The following DOCK10 variants were observed in gnomAD, a reference collection of about 807,000 sequenced individuals.
DOCK10 encodes the protein dedicator of cytokinesis protein 10.
DOCK10 carries 145 observed loss-of-function variants against 280.1 expected under a neutral mutation model. The observed-to-expected ratio is 0.52, with a 90% CI of 0.45 to 0.59. The LOEUF is 0.59. DOCK10 is among the 20% of genes least tolerant of loss of function. The pLI is 0.00. For missense variants in DOCK10, 2,368 were observed against 2,651.7 expected (o/e 0.89, Z 2.35); for synonymous variants, 915 against 942.2 (o/e 0.97, Z 0.53).
intron 51 of DOCK10, among the ~76,000 whole-genome samples, chr2:224,776,632 G>GA (rs113737189): frequency 0.023 from 3,084 of 134,310 alleles, 70 homozygotes; most frequent in African/African-American, 0.067. Flanking sequence ...AAAGAGGACA[G>GA]AAAAAAAAAA....
chr2:224,918,648 T>C (rs1701480894), intron 2 of DOCK10, among the ~76,000 whole-genome samples: 1 of 150,386 alleles, frequency 6.6e-6, no homozygotes, highest in African/African-American at 2.5e-5. Flanking sequence ...GGTGTGTGTG[T>C]GGTGTGTATA....
Position 224,787,257 on chromosome 2 carries a change from G to A in DOCK10, c.5541+18C>T. ...CATAGGATATTTTAATTAACTTCTAGGGGGTTGGAATACATACTTTGAAGT... is the reference window on the plus strand; with the variant it reads ...CATAGGATATTTTAATTAACTTCTAAGGGGTTGGAATACATACTTTGAAGT... On this transcript the variant is annotated intron_variant, in intron 49 of 55. Transcript: ENST00000258390. 1 of 1,613,634 alleles carries A rather than the reference G, an allele frequency of 6.2e-7. No individual in the cohort carries two copies. The highest frequency in any genetic ancestry group is 8.5e-7 in the Non-Finnish European group (1 of 1,179,758).
intron 23 of DOCK10, among the ~76,000 whole-genome samples, chr2:224,840,654 T>C (rs1024303100): frequency 6.6e-6 from 1 of 152,160 alleles, no homozygotes; most frequent in Non-Finnish European, 1.5e-5. Flanking sequence ...CACTTGCACA[T>C]TGCTGGTAAG....
At position 224,876,049 on chromosome 2, in the gene DOCK10, T is replaced by A; in HGVS notation, c.920A>T (p.Asp307Val). 6.8e-6 allele frequency: 11 copies of A among 1,612,586 alleles called. No individual in the cohort carries two copies. The highest frequency in any genetic ancestry group is 9.3e-6 in the Non-Finnish European group (11 of 1,179,460). Residue 307 changes from aspartate (D) to valine (V), a missense_variant, in exon 8 of 56, where the codon GAT becomes GTT. Physicochemically the swap from Asp to Val is radical, Grantham distance 152 (BLOSUM62 -3). Transcript: ENST00000258390. ...LQGRRSTELT[D>V]LGLDSLDNSV... ...TCATATGCTCTCACCCAGACCCAGA[T>A]CAGTGAGCTCTGTGCTCCTCCTCCC...
chr2:225,033,107 G>T (rs1690127740), intron 1 of DOCK10, among the ~76,000 whole-genome samples: 1 of 152,106 alleles, frequency 6.6e-6, no homozygotes, highest in South Asian at 2.1e-4. Flanking sequence ...CTCAGAGGAG[G>T]TATGCTGAAA....
Position 224,793,467 on chromosome 2 carries a change from GAAAGA to G in DOCK10, c.5155-15_5155-11del. On this transcript the variant is annotated splice_polypyrimidine_tract_variant and intron_variant, in intron 45 of 55. Transcript: ENST00000258390. ...TGTAACACATGGCAGCCTGTAATGA[GAAAGA>G]AAATAAAGAGGCTCAGGGGATGGAG... 1 of 1,611,638 alleles carries G rather than the reference GAAAGA, an allele frequency of 6.2e-7. No homozygotes were observed. Among genetic ancestry groups the G allele is most frequent in the Non-Finnish European group, 8.5e-7 (1 of 1,178,428 alleles).
intron 1 of DOCK10, among the ~76,000 whole-genome samples, chr2:225,012,719 G>A (rs1487748833): frequency 1.3e-5 from 2 of 152,086 alleles, no homozygotes; most frequent in African/African-American, 4.8e-5. Context: ...CAATTATGTT[G>A]TATAATAGAT....
intron 50 of DOCK10, among the ~76,000 whole-genome samples, chr2:224,782,053 A>C (rs1691378707): frequency 6.6e-6 from 1 of 152,194 alleles, no homozygotes; most frequent in East Asian, 1.9e-4. Context: ...GAGAAGCTAC[A>C]TGAATGAATT....
rs1251322568 is a variant in DOCK10, at chr2:224,845,546, T to C, written c.2332A>G (p.Lys778Glu). 1.9e-6 allele frequency: 3 copies of C among 1,612,742 alleles called. No individual in the cohort carries two copies. The South Asian group carries it at 3.3e-5, about 18-fold the overall frequency. Residue 778 changes from lysine (K) to glutamate (E), a missense_variant, in exon 20 of 56, where the codon AAA (lysine) becomes GAA (glutamate). Coordinates refer to ENST00000258390, the MANE Select transcript of DOCK10 (RefSeq NM_014689.3). ...TCDINAKANA[K>E]KKEALETSVG... ...GACGTTTCCAGAGCCTCCTTCTTTT[T>C]GGCATTAGCTTTTGCATTGATGTCA...
At chr2:224,969,197 C>T (rs930162831) in intron 1 of DOCK10, among the ~76,000 whole-genome samples, 2 of 152,166 alleles carry the variant, frequency 1.3e-5, no homozygotes, top group Admixed American at 6.5e-5. Flanking sequence ...CCAGATTTCT[C>T]TGGTTACTTT....
At chr2:224,862,112 T>A (rs1456255984) in intron 14 of DOCK10, 1 of 152,482 alleles carries the variant, frequency 6.6e-6, no homozygotes, top group Non-Finnish European at 1.5e-5. Context: ...GATGTGTCCA[T>A]CTATGTCCAC....
Position 224,884,923 on chromosome 2 carries a change from C to T in DOCK10, c.747+748G>A, listed in dbSNP as rs548180905. 4.6e-5 allele frequency among the ~76,000 whole-genome samples: 7 copies of T among 152,332 alleles called. No individual in the cohort carries two copies. The South Asian group carries it at 1.4e-3, about 32-fold the overall frequency. On this transcript the variant is annotated intron_variant, in intron 7 of 55. Coordinates refer to ENST00000258390, the MANE Select transcript of DOCK10 (RefSeq NM_014689.3). Reference sequence around the variant, plus strand: ...GGCAGCAAACATGGGTGCTAATTATCTGCTTGTCTTTGAATATCTGAGACT... The same window carrying T: ...GGCAGCAAACATGGGTGCTAATTATTTGCTTGTCTTTGAATATCTGAGACT...
chr2:224,852,798 C>A, intron 17 of DOCK10, 137 bp downstream of exon 17: 1 of 694,726 alleles, frequency 1.4e-6, no homozygotes, highest in Non-Finnish European at 2.2e-6. Flanking sequence ...GTGCCTCTTA[C>A]TAAACATCTT....
intron 1 of DOCK10, among the ~76,000 whole-genome samples, chr2:224,996,484 A>G (rs1354571010): frequency 6.6e-6 from 1 of 152,196 alleles, no homozygotes; most frequent in Non-Finnish European, 1.5e-5. Flanking sequence ...GACAGTTAGG[A>G]TGCCCATATA....
At chr2:224,834,396 C>A (rs1695464121) in intron 25 of DOCK10, 133 bp from the exon 26 acceptor site, 1 of 644,106 alleles carries the variant, frequency 1.6e-6, no homozygotes. Flanking sequence ...AAATGCAGGC[C>A]CAATGATAAG....
intron 1 of DOCK10, among the ~76,000 whole-genome samples, chr2:225,002,203 T>C (rs188668394): frequency 3.4e-4 from 52 of 152,338 alleles, no homozygotes; most frequent in African/African-American, 1.1e-3. Context: ...CGATACCACT[T>C]GTTTACCTGA....
chr2:224,930,200 T>TAAAAA (rs749672431), intron 2 of DOCK10, among the ~76,000 whole-genome samples: 3 of 92,232 alleles, frequency 3.3e-5, no homozygotes, highest in African/African-American at 4.4e-5. Context: ...TGACACTCGG[T>TAAAAA]AAAAAAAAAA....
intron 1 of DOCK10, among the ~76,000 whole-genome samples, chr2:225,031,798 C>T (rs565870563): frequency 6.6e-6 from 1 of 152,194 alleles, no homozygotes; most frequent in Admixed American, 6.5e-5. Context: ...GCTTACCCTT[C>T]TCTTCAGGAT....
intron 27 of DOCK10, among the ~76,000 whole-genome samples, chr2:224,826,048 A>C (rs532600819): frequency 5.9e-5 from 9 of 152,318 alleles, no homozygotes; most frequent in African/African-American, 1.7e-4. Flanking sequence ...AGTGGTTCCC[A>C]GGAAATTGTT....
Sources: allele counts gnomAD v4.1 joint callset (sites outside exome capture counted in the v4.1 genomes callset), GRCh38; gene constraint gnomAD v4.1.1; transcripts MANE v1.5; gene names NCBI Gene and HGNC (gene_info 2026-07-23, HGNC 2026-07-21).